The following ITGA2B variants were observed in gnomAD, a reference collection of about 807,000 sequenced individuals.
The protein encoded by ITGA2B is integrin subunit alpha 2b.
Under a neutral mutation model 142.0 loss-of-function variants are expected in ITGA2B, and 91 were observed. The observed-to-expected ratio is 0.64, with a 90% CI of 0.54 to 0.76. The LOEUF (loss-of-function observed/expected upper bound fraction) is 0.76. Among genes scored for constraint, ITGA2B ranks in the 30% least tolerant of loss-of-function variants. ITGA2B has a pLI of 0.00. For synonymous variants in ITGA2B, 536 were observed against 567.2 expected (o/e 0.94, Z 0.78); for missense variants, 1,231 against 1,350.8 (o/e 0.91, Z 1.39).
intron 12 of ITGA2B, among the ~76,000 whole-genome samples, chr17:44,382,180 A>C (rs2048603132): frequency 6.7e-6 from 1 of 148,700 alleles, no homozygotes. Flanking sequence ...TCATCCCCCC[A>C]TTTCCCCACA....
Position 44,375,903 on chromosome 17 carries a change from A to C in ITGA2B, c.2531T>G (p.Leu844Arg). The change falls in exon 25 of 30, where the codon CTC becomes CGC. Residue 844 changes from leucine (L) to arginine (R), a missense_variant. This residue lies in a region of ITGA2B where 908 missense variants were observed against 1,021.1 expected (regional missense o/e 0.89). Coordinates refer to ENST00000262407, the MANE Select transcript of ITGA2B (RefSeq NM_000419.5). ...LPGQSQPSDLLYILDIQPQGG... is the reference protein window; with the variant it reads ...LPGQSQPSDLRYILDIQPQGG... ...CTGGGGCTGTATATCCAGGATGTAG[A>C]GCAGGTCGGAGGGCTGGGACTGTCC... 1.9e-6 allele frequency: 3 copies of C among 1,612,206 alleles called. No homozygotes were observed. Among genetic ancestry groups the C allele is most frequent in the Non-Finnish European group, 2.5e-6 (3 of 1,179,372 alleles).
intron 26 of ITGA2B, chr17:44,375,344 T>C: frequency 3.2e-6 from 2 of 631,756 alleles, no homozygotes; most frequent in East Asian, 5.5e-5. Context: ...CTCAGATCTA[T>C]GATAACCTTG....
chr17:44,377,339 G>A (rs1279281964), intron 21 of ITGA2B, among the ~76,000 whole-genome samples: 2 of 152,028 alleles, frequency 1.3e-5, no homozygotes, highest in Non-Finnish European at 2.9e-5. Flanking sequence ...CTGACTATAG[G>A]CGTGCGCCAC....
At chr17:44,389,257 C>T in intron 1 of ITGA2B, 29 bp downstream of exon 1, 1 of 1,612,520 alleles carries the variant, frequency 6.2e-7, no homozygotes, top group South Asian at 1.1e-5. Flanking sequence ...CTGCTCTCTC[C>T]CAATACCCCA....
In ITGA2B at chr17:44,376,297, T is replaced by C. The variant is rs1567899068; in HGVS notation, c.2348+11A>G. On this transcript the variant is annotated intron_variant, in intron 23 of 29. Coordinates refer to ENST00000262407, the MANE Select transcript of ITGA2B (RefSeq NM_000419.5). ...GAATGCCATCTCCCTTCTCCACCCC[T>C]GGCCTCTCACCCTCGCAGCTCCACT... 2.5e-6 allele frequency: 4 copies of C among 1,614,138 alleles called. No individual in the cohort carries two copies. The highest frequency in any genetic ancestry group is 3.4e-6 in the Non-Finnish European group (4 of 1,179,988).
At position 44,377,757 on chromosome 17, in the gene ITGA2B, C is replaced by T. The variant is rs1189482656; in HGVS notation, c.2128G>A (p.Glu710Lys). 1 of 1,613,908 alleles carries T rather than the reference C, an allele frequency of 6.2e-7. No individual in the cohort carries two copies. The highest frequency in any genetic ancestry group is 8.5e-7 in the Non-Finnish European group (1 of 1,179,920). ...CACAGCACCACCCTGGTCTCATTCT[C>T]CTTCTTCTGATTACAGATGAGTCTC... ...FERLICNQKK[E>K]NETRVVLCEL... Residue 710 changes from glutamate to lysine, a missense_variant, in exon 21 of 30, where the codon GAG becomes AAG. Glu to Lys is a moderately conservative substitution (Grantham distance 56, BLOSUM62 1). This residue lies in a region of ITGA2B where 908 missense variants were observed against 1,021.1 expected (regional missense o/e 0.89). Coordinates refer to ENST00000262407, the MANE Select transcript of ITGA2B (RefSeq NM_000419.5).
At chr17:44,384,405 C>G in intron 8 of ITGA2B, 51 bp from the exon 9 acceptor site, 1 of 1,610,720 alleles carries the variant, frequency 6.2e-7, no homozygotes, top group Non-Finnish European at 8.5e-7. Context: ...AGAACCTACC[C>G]ACTTCCCGCT....
In ITGA2B at chr17:44,386,782, A is replaced by G. The variant is rs563743893; in HGVS notation, c.189-651T>C. Among the ~76,000 whole-genome samples, 9 of 152,334 alleles carry G rather than the reference A, an allele frequency of 5.9e-5. No homozygotes were observed. The South Asian group carries it at 1.7e-3, about 28-fold the overall frequency. On this transcript the variant is annotated intron_variant, in intron 1 of 29. Transcript: ENST00000262407. ...TAACAAACGCTCTTGAAACAATGCT[A>G]TAATTTTAAAAAATAATTTTGTTGT... is the stretch of plus-strand genomic sequence containing the variant.
rs2143485911 is a variant in ITGA2B, at chr17:44,385,290, G to A, written c.620C>T (p.Thr207Ile). 1 of 1,613,386 alleles carries A rather than the reference G, an allele frequency of 6.2e-7. No homozygotes were observed. The highest frequency in any genetic ancestry group is 1.1e-5 in the South Asian group (1 of 91,058). ...GCGCTTTTGCTCCCTACTCGCCTGAGTGACCACGGAGCTGAAGCCCGCTTC... is the reference window on the plus strand; with the variant it reads ...GCGCTTTTGCTCCCTACTCGCCTGAATGACCACGGAGCTGAAGCCCGCTTC... ...YCEAGFSSVV[T>I]QAGELVLGAP... The change falls in exon 5 of 30, where the codon ACT becomes ATT. Residue 207 changes from threonine (T) to isoleucine (I), a missense_variant. Transcript: ENST00000262407.
chr17:44,380,990 C>T lies in ITGA2B; in HGVS notation c.1282G>A (p.Glu428Lys). 6.2e-7 allele frequency: 1 copy of T among 1,613,512 alleles called. No individual in the cohort carries two copies. The highest frequency in any genetic ancestry group is 1.7e-4 in the Middle Eastern group (1 of 6,060). Reference protein sequence around the residue: ...GQVLVFLGQSEGLRSRPSQVL... With the variant: ...GQVLVFLGQSKGLRSRPSQVL... ...TGGGAGGGACGTGACCTCAGCCCCT[C>T]ACTCTGACCCAGGAACACCAGCACT... Residue 428 changes from glutamate to lysine, a missense_variant, in exon 13 of 30, where the codon GAG becomes AAG. By Grantham distance (56) the Glu-to-Lys change is moderately conservative (BLOSUM62 1). Around this residue, in one of 3 missense-constraint regions of ITGA2B, gnomAD observed 908 missense variants for 1,021.1 expected, o/e 0.89. Coordinates refer to ENST00000262407, the MANE Select transcript of ITGA2B (RefSeq NM_000419.5).
Position 44,386,032 on chromosome 17 carries a change from G to A in ITGA2B, c.288C>T (p.Cys96=). ...CACGGAGGTCAAAGAGCAGCGAGGGGCACTGGCCGCCCTCGGCCCTCCAGG... is the reference window on the plus strand; with the variant it reads ...CACGGAGGTCAAAGAGCAGCGAGGGACACTGGCCGCCCTCGGCCCTCCAGG... The part of the protein sequence containing the change: ...LCPWRAEGGQ[C]PSLLFDLRDE... The change falls in exon 2 of 30, where the codon TGC becomes TGT. Residue 96 remains cysteine (C), a synonymous_variant. Coordinates refer to ENST00000262407, the MANE Select transcript of ITGA2B (RefSeq NM_000419.5). The A allele has an allele frequency of 6.2e-7, 1 of 1,613,500 alleles. No homozygotes were observed. Among genetic ancestry groups the A allele is most frequent in the South Asian group, 1.1e-5 (1 of 91,070 alleles).
intron 12 of ITGA2B, among the ~76,000 whole-genome samples, chr17:44,381,980 A>C (rs180928570): frequency 6.6e-6 from 1 of 151,854 alleles, no homozygotes; most frequent in Non-Finnish European, 1.5e-5. Context: ...CAGACCCCCC[A>C]CACTTCCTTC....
At position 44,374,477 on chromosome 17, in the gene ITGA2B, G is replaced by T. The variant is rs1046096285; in HGVS notation, c.2944-7C>A. On this transcript the variant is annotated splice_region_variant and splice_polypyrimidine_tract_variant and intron_variant, in intron 28 of 29. Coordinates refer to ENST00000262407, the MANE Select transcript of ITGA2B (RefSeq NM_000419.5). ...GGAGCAGCTGTGTCCACACCTGGGG[G>T]CAAACCCACGTGTCTCCTCAGTCAC... 1 of 1,610,258 alleles carries T rather than the reference G, an allele frequency of 6.2e-7. No homozygotes were observed. Among genetic ancestry groups the T allele is most frequent in the Non-Finnish European group, 8.5e-7 (1 of 1,176,638 alleles).
chr17:44,374,282 T>A (rs1434115266), intron 29 of ITGA2B, 72 bp downstream of exon 29: 1 of 1,373,630 alleles, frequency 7.3e-7, no homozygotes, highest in Non-Finnish European at 1.0e-6. Context: ...CCATCTCTCC[T>A]TGACTCCCTG....
rs369457651 is a variant in ITGA2B, at chr17:44,375,930, G to A, written c.2504C>T (p.Pro835Leu). 9.3e-6 allele frequency: 15 copies of A among 1,613,844 alleles called. No individual in the cohort carries two copies. The highest frequency in any genetic ancestry group is 3.3e-5 in the Admixed American group (2 of 59,966). Residue 835 changes from proline to leucine, a missense_variant, in exon 25 of 30, where the codon CCG becomes CTG. Transcript: ENST00000262407. The stretch of plus-strand genomic sequence containing the variant: ...CAGGTCGGAGGGCTGGGACTGTCCC[G>A]GAAGGTGGATGCTGAGGTGAAGACC... ...VNGLHLSIHL[P>L]GQSQPSDLLY...
At chr17:44,378,260 G>A in intron 20 of ITGA2B, 102 bp downstream of exon 20, 1 of 1,390,590 alleles carries the variant, frequency 7.2e-7, no homozygotes, top group Non-Finnish European at 9.5e-7. Flanking sequence ...ATCTTTGACA[G>A]CAAAGCAGAA....
At chr17:44,381,131 T>C in intron 12 of ITGA2B, 70 bp from the exon 13 acceptor site, 1 of 1,463,564 alleles carries the variant, frequency 6.8e-7, no homozygotes, top group Non-Finnish European at 9.3e-7. Context: ...AAAACTTTCC[T>C]GAGCTTCTCT....
intron 23 of ITGA2B, 58 bp downstream of exon 23, chr17:44,376,250 G>T (rs564193897): frequency 6.2e-7 from 1 of 1,612,818 alleles, no homozygotes; most frequent in African/African-American, 1.3e-5. Flanking sequence ...TTTCCCCAGC[G>T]CCCCCTGGAG....
intron 28 of ITGA2B, 55 bp from the exon 29 acceptor site, chr17:44,374,525 G>A: frequency 6.4e-7 from 1 of 1,569,716 alleles, no homozygotes. Context: ...CTTTCACAAA[G>A]ACTCAAACCT....
Sources: allele counts gnomAD v4.1 joint callset (sites outside exome capture counted in the v4.1 genomes callset), GRCh38; gene constraint gnomAD v4.1.1; regional missense constraint gnomAD v4.1.1; transcripts MANE v1.5; gene names NCBI Gene and HGNC (gene_info 2026-07-23, HGNC 2026-07-21).